LIN52: variants seen among roughly 807,000 people sequenced by gnomAD.
The protein encoded by LIN52 is lin-52 DREAM MuvB core complex component.
In LIN52, 4 loss-of-function variants were observed where a neutral mutation model predicts 18.5. That is an observed-to-expected ratio of 0.22 (90% CI 0.11 to 0.49). The LOEUF (loss-of-function observed/expected upper bound fraction) is 0.49, where lower values mean the gene tolerates loss of function less well. Among genes scored for constraint, LIN52 ranks in the 20% least tolerant of loss-of-function variants. The pLI, the probability that LIN52 is intolerant of heterozygous loss-of-function variation, is 0.97. For missense variants in LIN52, 102 were observed against 139.5 expected, an observed-to-expected ratio of 0.73 and a Z score of 1.35; for synonymous variants, 34 against 45.5, an observed-to-expected ratio of 0.75 and a Z score of 1.02.
chr14:74,090,807 G>C (rs1420353451), intron 1 of LIN52, among the ~76,000 whole-genome samples: 1 of 152,180 alleles, frequency 6.6e-6, no homozygotes, highest in Admixed American at 6.6e-5. Context: ...GATGAGGCTA[G>C]AGAAGGTAGA....
intron 5 of LIN52, among the ~76,000 whole-genome samples, chr14:74,116,721 A>G (rs1426672225): frequency 6.6e-6 from 1 of 151,790 alleles, no homozygotes; most frequent in Non-Finnish European, 1.5e-5. Flanking sequence ...AAAAAAAAAA[A>G]AAGAAAAGAA....
intron 1 of LIN52, among the ~76,000 whole-genome samples, chr14:74,089,067 G>A (rs1306231384): frequency 1.3e-5 from 2 of 152,098 alleles, no homozygotes; most frequent in Admixed American, 6.5e-5. Context: ...AATAGATTCC[G>A]GGGGTGTGAA....
intron 5 of LIN52, among the ~76,000 whole-genome samples, chr14:74,197,571 C>T (rs1376078623): frequency 6.6e-6 from 1 of 152,138 alleles, no homozygotes; most frequent in Non-Finnish European, 1.5e-5. Context: ...ACAGGATTTG[C>T]TGTAAATCCA....
At chr14:74,086,137 T>C (rs897856273) in intron 1 of LIN52, among the ~76,000 whole-genome samples, 1 of 152,192 alleles carries the variant, frequency 6.6e-6, no homozygotes, top group Non-Finnish European at 1.5e-5. Flanking sequence ...CTTGTCAGCA[T>C]AGTTACTCTG....
intron 5 of LIN52, among the ~76,000 whole-genome samples, chr14:74,108,191 C>T (rs1034859376): frequency 6.6e-6 from 1 of 151,564 alleles, no homozygotes; most frequent in African/African-American, 2.4e-5. Flanking sequence ...TATGCTATAG[C>T]ATGTATCAGT....
intron 5 of LIN52, among the ~76,000 whole-genome samples, chr14:74,132,728 C>T (rs35094707): frequency 0.029 from 4,434 of 152,144 alleles, 218 homozygotes; most frequent in African/African-American, 0.1. Context: ...AGGATGGTCT[C>T]GATCTTTTGA....
At chr14:74,171,667 C>T (rs972530166) in intron 5 of LIN52, among the ~76,000 whole-genome samples, 1 of 151,286 alleles carries the variant, frequency 6.6e-6, no homozygotes, top group African/African-American at 2.4e-5. Flanking sequence ...CTTACATAGA[C>T]CTAGAAATAG....
chr14:74,111,455 AT>A (rs5809646), intron 5 of LIN52, among the ~76,000 whole-genome samples: 32,506 of 142,022 alleles, frequency 0.23, 3,899 homozygotes, highest in South Asian at 0.46. Flanking sequence ...TGCCTGACTG[AT>A]TTTTTTTTTT....
intron 5 of LIN52, chr14:74,192,658 A>G: frequency 4.0e-6 from 1 of 252,962 alleles, no homozygotes; most frequent in South Asian, 4.6e-5. Flanking sequence ...ATTAAGAGGC[A>G]TACACCACTT....
intron 5 of LIN52, among the ~76,000 whole-genome samples, chr14:74,194,017 T>G (rs1353809948): frequency 6.6e-6 from 1 of 152,248 alleles, no homozygotes; most frequent in Non-Finnish European, 1.5e-5. Context: ...AAAAGTTTCT[T>G]AAAATTTACA....
At chr14:74,147,884 G>T (rs1430567062) in intron 5 of LIN52, among the ~76,000 whole-genome samples, 1 of 152,160 alleles carries the variant, frequency 6.6e-6, no homozygotes, top group African/African-American at 2.4e-5. Context: ...CTGGAGATTG[G>T]TTGCACAGTG....
chr14:74,196,856 T>G (rs1343134626), intron 5 of LIN52, among the ~76,000 whole-genome samples: 1 of 152,182 alleles, frequency 6.6e-6, no homozygotes, highest in Non-Finnish European at 1.5e-5. Flanking sequence ...CCGTTACAAA[T>G]GAAGAGACTG....
intron 5 of LIN52, among the ~76,000 whole-genome samples, chr14:74,118,767 C>A (rs2060979244): frequency 6.6e-6 from 1 of 152,092 alleles, no homozygotes; most frequent in African/African-American, 2.4e-5. Flanking sequence ...GGAGTGAGAC[C>A]CTATCTCAAA....
At chr14:74,184,126 G>A (rs1353330498) in intron 5 of LIN52, among the ~76,000 whole-genome samples, 2 of 152,108 alleles carry the variant, frequency 1.3e-5, no homozygotes, top group African/African-American at 2.4e-5. Context: ...TGTCACCCAG[G>A]CTGGAGTGCA....
chr14:74,171,101 T>C (rs2061268636), intron 5 of LIN52, among the ~76,000 whole-genome samples: 1 of 151,898 alleles, frequency 6.6e-6, no homozygotes, highest in Non-Finnish European at 1.5e-5. Flanking sequence ...TGAAAGGTAC[T>C]GGCCAGGCAT....
intron 5 of LIN52, among the ~76,000 whole-genome samples, chr14:74,185,381 C>T (rs1422450156): frequency 1.6e-4 from 18 of 115,018 alleles, no homozygotes; most frequent in Non-Finnish European, 1.6e-5. Context: ...GTGGCTTAAT[C>T]TCAGCTCACT....
chr14:74,171,119 C>T (rs2061268823), intron 5 of LIN52, among the ~76,000 whole-genome samples: 1 of 151,750 alleles, frequency 6.6e-6, no homozygotes, highest in Admixed American at 6.6e-5. Context: ...CATAGTGGCT[C>T]ATGCCTATAA....
chr14:74,155,280 C>A (rs2061194709), intron 5 of LIN52, among the ~76,000 whole-genome samples: 1 of 152,164 alleles, frequency 6.6e-6, no homozygotes, highest in Non-Finnish European at 1.5e-5. Context: ...TCAGTGGTTT[C>A]TTTGGGCTAA....
At chr14:74,115,621 G>T (rs1435860037) in intron 5 of LIN52, among the ~76,000 whole-genome samples, 3 of 152,122 alleles carry the variant, frequency 2.0e-5, no homozygotes, top group Non-Finnish European at 2.9e-5. Flanking sequence ...ACTTTGAAGG[G>T]ATCATGGTTA....
Sources: gnomAD v4.1 joint callset for allele counts (sites outside exome capture counted in the v4.1 genomes callset) on GRCh38, gnomAD v4.1.1 for gene constraint, MANE v1.5 for transcripts, NCBI Gene and HGNC (gene_info 2026-07-23, HGNC 2026-07-21) for gene names.